UNC13B: variants seen among roughly 807,000 people sequenced by gnomAD.
The protein encoded by UNC13B is protein unc-13 homolog B.
Under a neutral mutation model 211.0 loss-of-function variants are expected in UNC13B, and 144 were observed. The ratio of observed to expected loss-of-function variants is 0.68; its 90% confidence interval spans 0.60 to 0.78. The LOEUF (loss-of-function observed/expected upper bound fraction) is 0.78, where lower values mean the gene tolerates loss of function less well. Ranked by LOEUF, UNC13B falls within the 30% of genes least tolerant of loss-of-function variation. The probability of loss-of-function intolerance (pLI) is 0.00; values close to 1 mark genes in which losing one functional copy is unlikely to be tolerated. For synonymous variants in UNC13B, 709 were observed against 725.8 expected, an observed-to-expected ratio of 0.98 and a Z score of 0.37; for missense variants, 1,777 against 2,002.0, an observed-to-expected ratio of 0.89 and a Z score of 2.14.
intron 7 of UNC13B, among the ~76,000 whole-genome samples, chr9:35,278,288 CCTT>C (rs1828289608): frequency 6.6e-6 from 1 of 152,186 alleles, no homozygotes; most frequent in Non-Finnish European, 1.5e-5. Flanking sequence ...TCATCTATCA[CCTT>C]CTCTCTGTTT....
chr9:35,398,500 G>A, intron 31 of UNC13B, 54 bp from the exon 32 acceptor site: 2 of 1,556,520 alleles, frequency 1.3e-6, no homozygotes, highest in South Asian at 2.2e-5. Flanking sequence ...GGTGTGGCAG[G>A]GTAGAAGAGG....
intron 1 of UNC13B, among the ~76,000 whole-genome samples, chr9:35,177,840 G>GA (rs1821722825): frequency 6.6e-6 from 1 of 152,102 alleles, no homozygotes; most frequent in African/African-American, 2.4e-5. Context: ...TTCTAAAACA[G>GA]AAAAAATATA....
intron 6 of UNC13B, among the ~76,000 whole-genome samples, chr9:35,253,549 A>G (rs1826641332): frequency 6.6e-6 from 1 of 152,202 alleles, no homozygotes; most frequent in Non-Finnish European, 1.5e-5. Context: ...ATTTCATCAT[A>G]CTTGCTGCAA....
chr9:35,375,511 T>G (rs1452831721), intron 14 of UNC13B, among the ~76,000 whole-genome samples: 1 of 152,220 alleles, frequency 6.6e-6, no homozygotes, highest in East Asian at 1.9e-4. Context: ...GGATCCAGCA[T>G]CAGGTCCAAC....
intron 22 of UNC13B, chr9:35,385,059 C>A: frequency 1.0e-6 from 1 of 985,410 alleles, no homozygotes; most frequent in Non-Finnish European, 1.2e-6. Flanking sequence ...TTATATTTGG[C>A]ATATAAGTAG....
intron 6 of UNC13B, among the ~76,000 whole-genome samples, chr9:35,246,143 T>G (rs910484665): frequency 6.6e-6 from 1 of 152,224 alleles, no homozygotes; most frequent in Non-Finnish European, 1.5e-5. Flanking sequence ...GCTGCATAAA[T>G]GTCTTCTTTT....
chr9:35,272,017 G>A (rs1827908890), intron 7 of UNC13B, among the ~76,000 whole-genome samples: 1 of 152,128 alleles, frequency 6.6e-6, no homozygotes, highest in African/African-American at 2.4e-5. Context: ...ACAAAGAAAG[G>A]AAGAATGGAT....
intron 37 of UNC13B, 137 bp downstream of exon 37, chr9:35,400,580 C>A: frequency 1.9e-6 from 2 of 1,040,190 alleles, no homozygotes; most frequent in Middle Eastern, 3.2e-4. Flanking sequence ...ATCTCTATTG[C>A]TTGATGGGAC....
intron 2 of UNC13B, among the ~76,000 whole-genome samples, chr9:35,229,380 G>T (rs1485206214): frequency 6.6e-6 from 1 of 151,982 alleles, no homozygotes; most frequent in Non-Finnish European, 1.5e-5. Context: ...TTTTTTCTGA[G>T]AATCTGCTCT....
At chr9:35,298,575 C>G (rs898032448) in intron 8 of UNC13B, among the ~76,000 whole-genome samples, 4 of 152,148 alleles carry the variant, frequency 2.6e-5, no homozygotes, top group Admixed American at 2.0e-4. Flanking sequence ...CTGCCTTGGC[C>G]TCCGAAAGTG....
At chr9:35,221,365 C>T (rs181609516) in intron 1 of UNC13B, among the ~76,000 whole-genome samples, 5 of 152,278 alleles carry the variant, frequency 3.3e-5, no homozygotes, top group Non-Finnish European at 4.4e-5. Context: ...CCACCATGCC[C>T]GGCCTGTCCG....
At chr9:35,375,611 A>T (rs1302765189) in intron 14 of UNC13B, among the ~76,000 whole-genome samples, 3 of 152,196 alleles carry the variant, frequency 2.0e-5, no homozygotes, top group African/African-American at 7.2e-5. Context: ...CATCTTCTTC[A>T]TTGCCAGAGG....
At chr9:35,321,928 A>T (rs1830757804) in intron 11 of UNC13B, among the ~76,000 whole-genome samples, 1 of 152,132 alleles carries the variant, frequency 6.6e-6, no homozygotes, top group Non-Finnish European at 1.5e-5. Context: ...ATTTTAGAAA[A>T]TTTTTGCCAA....
intron 7 of UNC13B, chr9:35,291,148 C>G (rs1040176881): frequency 1.3e-6 from 2 of 1,528,230 alleles, no homozygotes; most frequent in African/African-American, 2.8e-5. Context: ...TGATCTTACC[C>G]ACAAAGTACA....
intron 1 of UNC13B, among the ~76,000 whole-genome samples, chr9:35,174,317 C>T (rs1821496327): frequency 1.3e-5 from 2 of 151,462 alleles, no homozygotes; most frequent in Admixed American, 6.6e-5. Flanking sequence ...GCCACCACAC[C>T]CAGCTAATTT....
intron 11 of UNC13B, among the ~76,000 whole-genome samples, chr9:35,330,488 G>T (rs1831307648): frequency 6.6e-6 from 1 of 152,160 alleles, no homozygotes; most frequent in Admixed American, 6.5e-5. Context: ...GTGGTAACAG[G>T]GTTGCTAGGG....
chr9:35,380,330 C>A, intron 17 of UNC13B, 140 bp from the exon 18 acceptor site: 1 of 929,150 alleles, frequency 1.1e-6, no homozygotes, highest in Non-Finnish European at 1.6e-6. Context: ...TTTCTTGGAA[C>A]TTTTGTACTG....
At position 35,232,801 on chromosome 9, in the gene UNC13B, C is replaced by A. The variant is rs1241807633; in HGVS notation, c.152+1582C>A. 9.2e-5 allele frequency among the ~76,000 whole-genome samples: 14 copies of A among 151,930 alleles called. No homozygotes were observed. The East Asian group carries it at 2.5e-3, about 27-fold the overall frequency. On this transcript the variant is annotated intron_variant, in intron 3 of 39. Coordinates refer to ENST00000635942, the MANE Select transcript of UNC13B (RefSeq NM_001371189.2). The stretch of plus-strand genomic sequence containing the variant: ...GGAGAAATATTTTGGTCAGTTGAAG[C>A]CATAGGTGAAGATGAGAAAGCTTAG...
At chr9:35,309,322 T>G (rs1830076624) in intron 9 of UNC13B, among the ~76,000 whole-genome samples, 1 of 151,986 alleles carries the variant, frequency 6.6e-6, no homozygotes, top group African/African-American at 2.4e-5. Context: ...AGTGACCTGG[T>G]ACCTATTCTG....
Sources: gnomAD v4.1 joint callset for allele counts (sites outside exome capture counted in the v4.1 genomes callset) on GRCh38, gnomAD v4.1.1 for gene constraint, MANE v1.5 for transcripts, NCBI Gene and HGNC (gene_info 2026-07-23, HGNC 2026-07-21) for gene names.